CDIN1: variants seen among roughly 807,000 people sequenced by gnomAD.
CDIN1 encodes CDAN1 interacting nuclease 1.
In CDIN1, 33 loss-of-function variants were observed where a neutral mutation model predicts 45.3. That is an observed-to-expected ratio of 0.73 (90% CI 0.55 to 0.97). CDIN1 has a LOEUF of 0.97. Among genes scored for constraint, CDIN1 ranks in the 50% least tolerant of loss-of-function variants. The probability of loss-of-function intolerance (pLI) is 0.00; values close to 1 mark genes in which losing one functional copy is unlikely to be tolerated. For missense variants in CDIN1, 303 were observed against 339.4 expected (o/e 0.89, Z 0.84); for synonymous variants, 118 against 124.4 (o/e 0.95, Z 0.34).
intron 10 of CDIN1, among the ~76,000 whole-genome samples, chr15:36,776,975 C>T (rs887519359): frequency 6.6e-6 from 1 of 152,164 alleles, no homozygotes; most frequent in Non-Finnish European, 1.5e-5. Context: ...GCATGAAGCG[C>T]TGTTTTCATC....
At chr15:36,606,516 C>T (rs1223824268) in intron 1 of CDIN1, among the ~76,000 whole-genome samples, 1 of 152,150 alleles carries the variant, frequency 6.6e-6, no homozygotes, top group Non-Finnish European at 1.5e-5. Flanking sequence ...GTGGTAAACT[C>T]TGTGACTGCA....
chr15:36,666,240 G>T (rs2041244050), intron 5 of CDIN1, among the ~76,000 whole-genome samples: 1 of 152,048 alleles, frequency 6.6e-6, no homozygotes, highest in African/African-American at 2.4e-5. Flanking sequence ...TAATTATTGA[G>T]TGGAATTGTG....
chr15:36,732,121 C>G (rs1028014882), intron 10 of CDIN1, among the ~76,000 whole-genome samples: 2 of 152,108 alleles, frequency 1.3e-5, no homozygotes, highest in African/African-American at 4.8e-5. Flanking sequence ...GCAGAAATGT[C>G]CCAGGACTTC....
intron 8 of CDIN1, among the ~76,000 whole-genome samples, chr15:36,698,994 C>G (rs2042536760): frequency 1.3e-5 from 2 of 152,182 alleles, no homozygotes; most frequent in Non-Finnish European, 2.9e-5. Context: ...TCTCTACTTG[C>G]AAACAAGTAC....
At chr15:36,604,322 A>G (rs2038250890) in intron 1 of CDIN1, among the ~76,000 whole-genome samples, 1 of 150,862 alleles carries the variant, frequency 6.6e-6, no homozygotes, top group Non-Finnish European at 1.5e-5. Context: ...ATTTAAGTGT[A>G]ATTTATGGTT....
chr15:36,732,792 T>C (rs1388771731), intron 10 of CDIN1, among the ~76,000 whole-genome samples: 1 of 152,054 alleles, frequency 6.6e-6, no homozygotes, highest in African/African-American at 2.4e-5. Context: ...TATAACATCC[T>C]ATATTTTCTA....
chr15:36,758,985 G>A (rs146388104), intron 10 of CDIN1, among the ~76,000 whole-genome samples: 2 of 152,296 alleles, frequency 1.3e-5, no homozygotes, highest in African/African-American at 4.8e-5. Flanking sequence ...TTCTCTGGGG[G>A]TGAGAGTGGT....
At chr15:36,639,565 G>T (rs1289487285) in intron 1 of CDIN1, among the ~76,000 whole-genome samples, 2 of 152,136 alleles carry the variant, frequency 1.3e-5, no homozygotes, top group Admixed American at 1.3e-4. Context: ...TCCATCCTGG[G>T]TGACAGAGCG....
intron 10 of CDIN1, among the ~76,000 whole-genome samples, chr15:36,796,008 G>A (rs1001719955): frequency 1.6e-4 from 24 of 152,042 alleles, no homozygotes; most frequent in Admixed American, 2.6e-4. Context: ...TCAGTTCTGC[G>A]TTACAAATTT....
intron 1 of CDIN1, among the ~76,000 whole-genome samples, chr15:36,635,148 C>T (rs1452885088): frequency 6.6e-6 from 1 of 152,092 alleles, no homozygotes; most frequent in Non-Finnish European, 1.5e-5. Flanking sequence ...TAAGTGTGAA[C>T]TGAAATTGAA....
chr15:36,786,625 C>T (rs2054497723), intron 10 of CDIN1, among the ~76,000 whole-genome samples: 1 of 152,140 alleles, frequency 6.6e-6, no homozygotes, highest in African/African-American at 2.4e-5. Flanking sequence ...TGAAGGCTGC[C>T]CATCCCACAT....
chr15:36,726,129 G>A (rs937518582), intron 10 of CDIN1, among the ~76,000 whole-genome samples: 2 of 152,140 alleles, frequency 1.3e-5, no homozygotes, highest in Non-Finnish European at 2.9e-5. Flanking sequence ...CCAAAATTAG[G>A]ACTGAAATTT....
At chr15:36,766,660 C>T (rs773914513) in intron 10 of CDIN1, among the ~76,000 whole-genome samples, 15 of 152,266 alleles carry the variant, frequency 9.9e-5, no homozygotes, top group Middle Eastern at 3.4e-3. Context: ...GTGCAATTTT[C>T]TGATGATTAG....
At chr15:36,691,879 G>T (rs910451378) in intron 6 of CDIN1, 115 bp downstream of exon 6, 43 of 890,134 alleles carry the variant, frequency 4.8e-5, no homozygotes, top group Non-Finnish European at 7.6e-5. Context: ...AGGTCAGGGT[G>T]CACCATAAAT....
chr15:36,756,847 G>A (rs375788658), intron 10 of CDIN1, among the ~76,000 whole-genome samples: 58 of 152,288 alleles, frequency 3.8e-4, no homozygotes, highest in African/African-American at 1.4e-3. Context: ...TTTTCGAGTG[G>A]TAATAAGGAC....
chr15:36,638,793 G>A (rs2140380572), intron 1 of CDIN1, among the ~76,000 whole-genome samples: 1 of 152,250 alleles, frequency 6.6e-6, no homozygotes, highest in South Asian at 2.1e-4. Context: ...TAGCAAAAAA[G>A]CCACATGCCC....
rs567144113 is a variant in CDIN1 at position 36,627,871 on chromosome 15, G to A, written c.102-16407G>A. ...AGGTTCACATCTTGCATCACATCAG[G>A]GAGGTGGTCCCACATGCCCAGTGAC... On this transcript the variant is annotated intron_variant, in intron 1 of 10. Transcript: ENST00000566621. 3.7e-4 allele frequency: 57 copies of A among 152,266 alleles called. 1 individual carries two copies. The highest frequency in any genetic ancestry group is 1.3e-3 in the African/African-American group (55 of 41,566). The allele number at this position is 152,266 out of a possible 1,614,324, so 9.4% of individuals were successfully genotyped here.
At chr15:36,774,000 C>G (rs985382099) in intron 10 of CDIN1, among the ~76,000 whole-genome samples, 1 of 152,148 alleles carries the variant, frequency 6.6e-6, no homozygotes, top group Non-Finnish European at 1.5e-5. Flanking sequence ...AGTTGAACTG[C>G]GAAGAGATTT....
rs149388789 is a variant in CDIN1, at chr15:36,590,068, A to G, written c.101+10107A>G. Among the ~76,000 whole-genome samples, 518 of 152,288 alleles carry G rather than the reference A, an allele frequency of 3.4e-3. 2 individuals are homozygous for G. Among genetic ancestry groups the G allele is most frequent in the African/African-American group, 0.012 (487 of 41,566 alleles). ...TTCTTCGTAAGCCAGAGCTTCCTTC[A>G]TGCCAAGGAACAGTGACATGGCTTG... On this transcript the variant is annotated intron_variant, in intron 1 of 10. Coordinates refer to ENST00000566621, the MANE Select transcript of CDIN1 (RefSeq NM_001321759.2).
Sources: allele counts gnomAD v4.1 joint callset (sites outside exome capture counted in the v4.1 genomes callset), GRCh38; gene constraint gnomAD v4.1.1; transcripts MANE v1.5; gene names NCBI Gene and HGNC (gene_info 2026-07-23, HGNC 2026-07-21).